Variants in DLC1 observed in about 807,000 individuals in gnomAD.
DLC1 encodes the protein DLC1 Rho GTPase activating protein, also known as rho GTPase-activating protein 7.
Under a neutral mutation model 140.3 loss-of-function variants are expected in DLC1, and 54 were observed. The observed-to-expected ratio is 0.38, with a 90% CI of 0.31 to 0.48. DLC1 has a LOEUF of 0.48. Ranked by LOEUF, DLC1 falls within the 20% of genes least tolerant of loss-of-function variation. The pLI is 0.96. For missense variants in DLC1, 2,536 were observed against 1,907.0 expected, an observed-to-expected ratio of 1.33 and a Z score of -6.14; for synonymous variants, 986 against 728.1, an observed-to-expected ratio of 1.35 and a Z score of -5.70.
At chr8:13,154,594 G>A (rs1052842702) in intron 5 of DLC1, among the ~76,000 whole-genome samples, 2 of 152,196 alleles carry the variant, frequency 1.3e-5, no homozygotes, top group Non-Finnish European at 2.9e-5. Context: ...CACACCTCCC[G>A]GCAAGCAGAG....
rs531702861 is a variant in DLC1, at chr8:13,533,643, C to G, written c.-125-33447G>C. Among the ~76,000 whole-genome samples the G allele has an allele frequency of 7.7e-4, 118 of 152,260 alleles. 1 individual carries two copies. The highest frequency in any genetic ancestry group is 2.6e-3 in the African/African-American group (110 of 41,556). ...GACCAAGAATCAAAGTCATTTATTT[C>G]CAAACAAGATGCTTAAAACCCGCTC... On this transcript the variant is annotated intron_variant, in intron 1 of 1. Transcript: ENST00000631382.
At chr8:13,525,434 C>T (rs1038714673) in intron 1 of DLC1, among the ~76,000 whole-genome samples, 1 of 152,054 alleles carries the variant, frequency 6.6e-6, no homozygotes, top group Non-Finnish European at 1.5e-5. Context: ...GGTGGATATA[C>T]CATTGTATAT....
chr8:13,319,813 C>T (rs1331574641), intron 4 of DLC1, among the ~76,000 whole-genome samples: 2 of 27,736 alleles, frequency 7.2e-5, no homozygotes, highest in African/African-American at 1.8e-4. Context: ...GTTTAATTCT[C>T]TCTCTCTCTT....
At chr8:13,577,155 A>G (rs1400102302) in intron 1 of DLC1, among the ~76,000 whole-genome samples, 1 of 152,184 alleles carries the variant, frequency 6.6e-6, no homozygotes, top group African/African-American at 2.4e-5. Context: ...CTGGAGAAAC[A>G]GTGGGGATAA....
chr8:13,099,891 C>T lies in DLC1; in HGVS notation c.2446G>A (p.Gly816Ser). The change falls in exon 9 of 18, where the codon GGC becomes AGC. Residue 816 changes from glycine to serine, a missense_variant. By Grantham distance (56) the Gly-to-Ser change is moderately conservative. Coordinates refer to ENST00000276297, the MANE Select transcript of DLC1 (RefSeq NM_182643.3). The part of the protein sequence containing the change: ...VFYIPEDHKP[G>S]TFPKALTNGS... ...TTGGTGAGAGCTTTGGGGAAAGTGC[C>T]AGGCTTGTGATCTTCAGGGATGTAG... 6.2e-7 allele frequency: 1 copy of T among 1,614,182 alleles called. No individual in the cohort carries two copies. The highest frequency in any genetic ancestry group is 8.5e-7 in the Non-Finnish European group (1 of 1,180,048).
At chr8:13,542,864 G>A (rs895971232) in intron 1 of DLC1, among the ~76,000 whole-genome samples, 4 of 151,944 alleles carry the variant, frequency 2.6e-5, no homozygotes, top group African/African-American at 9.6e-5. Flanking sequence ...TAACTTTTTT[G>A]TTGATTCCCT....
intron 1 of DLC1, among the ~76,000 whole-genome samples, chr8:13,582,914 A>ATG (rs1008583289): frequency 8.1e-6 from 1 of 123,006 alleles, no homozygotes; most frequent in South Asian, 2.7e-4. Flanking sequence ...ATATATATAT[A>ATG]TATATGTGGT....
chr8:13,581,503 C>T (rs1006789176), intron 1 of DLC1, among the ~76,000 whole-genome samples: 1 of 152,182 alleles, frequency 6.6e-6, no homozygotes, highest in African/African-American at 2.4e-5. Flanking sequence ...TGTACTATGT[C>T]CAATCCAACA....
At chr8:13,368,667 G>A (rs1410633870) in intron 4 of DLC1, among the ~76,000 whole-genome samples, 1 of 152,038 alleles carries the variant, frequency 6.6e-6, no homozygotes, top group East Asian at 1.9e-4. Flanking sequence ...GCAGCCTGGT[G>A]GAAACACAGA....
At chr8:13,090,600 G>A (rs1817974711) in intron 14 of DLC1, 130 bp from the exon 15 acceptor site, 7 of 1,043,410 alleles carry the variant, frequency 6.7e-6, no homozygotes, top group Admixed American at 5.2e-5. Context: ...TCCCGCCGGA[G>A]GTGGGCTATC....
rs77342016 is a variant in DLC1, at chr8:13,344,206, C to T, written c.1315-38904G>A. Among the ~76,000 whole-genome samples, 58 of 152,294 alleles carry T rather than the reference C, an allele frequency of 3.8e-4. 1 individual carries two copies. The East Asian group carries it at 7.1e-3, about 19-fold the overall frequency. ...ATAGTTCCTACCTTTAAAATACTTT[C>T]AATCAGCCTGGCCGTGGTGGTTCAT... On this transcript the variant is annotated intron_variant, in intron 4 of 17. Transcript: ENST00000276297.
chr8:13,552,142 T>C (rs1803887584), intron 1 of DLC1, among the ~76,000 whole-genome samples: 2 of 78,084 alleles, frequency 2.6e-5, no homozygotes, highest in African/African-American at 8.9e-5. Flanking sequence ...TATATATATA[T>C]CTGTCTAGAG....
intron 5 of DLC1, among the ~76,000 whole-genome samples, chr8:13,161,551 G>A (rs1053278886): frequency 6.6e-6 from 1 of 152,122 alleles, no homozygotes; most frequent in Non-Finnish European, 1.5e-5. Context: ...TGTTGCCGCT[G>A]GTCTTGAATT....
chr8:13,292,739 C>T (rs150199155), intron 5 of DLC1, among the ~76,000 whole-genome samples: 291 of 152,268 alleles, frequency 1.9e-3, no homozygotes, highest in African/African-American at 6.3e-3. Flanking sequence ...AGAATTCTGA[C>T]ATTTTTTTCT....
At chr8:13,131,153 G>T (rs1480854026) in intron 5 of DLC1, among the ~76,000 whole-genome samples, 1 of 152,194 alleles carries the variant, frequency 6.6e-6, no homozygotes, top group Non-Finnish European at 1.5e-5. Flanking sequence ...GCTGCCGTCT[G>T]CAAGCCAAGA....
At chr8:13,317,530 C>T (rs965294610) in intron 4 of DLC1, among the ~76,000 whole-genome samples, 11 of 152,034 alleles carry the variant, frequency 7.2e-5, no homozygotes, top group African/African-American at 2.4e-4. Context: ...GAAATAAATT[C>T]GAATTCTAGG....
chr8:13,324,113 A>T (rs566748045), intron 4 of DLC1, among the ~76,000 whole-genome samples: 1 of 152,226 alleles, frequency 6.6e-6, no homozygotes, highest in Non-Finnish European at 1.5e-5. Context: ...TTGCATCAGA[A>T]AGAGATCTGA....
In DLC1 at chr8:13,269,701, CAA is replaced by C. The variant is rs57030004; in HGVS notation, c.1348+35566_1348+35567del. Among the ~76,000 whole-genome samples the C allele has an allele frequency of 6.8e-3, 674 of 99,362 alleles. 5 individuals carry two copies. The highest frequency in any genetic ancestry group is 0.026 in the African/African-American group (628 of 24,226). The allele number at this position is 99,362 out of a possible 152,430, so 65.2% of individuals were successfully genotyped here. On this transcript the variant is annotated intron_variant, in intron 5 of 17. Transcript: ENST00000276297. The stretch of plus-strand genomic sequence containing the variant: ...CCTGGGAAACAAAGCAAAACTCTGT[CAA>C]AAAAAAAAAAAAAAAAAAAAAAGAC...
chr8:13,159,633 C>T (rs937873245), intron 5 of DLC1, among the ~76,000 whole-genome samples: 4 of 152,108 alleles, frequency 2.6e-5, no homozygotes, highest in African/African-American at 9.7e-5. Flanking sequence ...TCATAACTTT[C>T]CTGGGTGAGC....
Sources: allele counts gnomAD v4.1 joint callset (sites outside exome capture counted in the v4.1 genomes callset), GRCh38; gene constraint gnomAD v4.1.1; transcripts MANE v1.5; gene names NCBI Gene and HGNC (gene_info 2026-07-23, HGNC 2026-07-21).